Variants in SPAG16 observed in about 807,000 individuals in gnomAD.
The protein encoded by SPAG16 is sperm-associated antigen 16 protein.
In SPAG16, 86 loss-of-function variants were observed where a neutral mutation model predicts 80.4. The ratio of observed to expected loss-of-function variants is 1.07; its 90% confidence interval spans 0.90 to 1.28. The LOEUF (loss-of-function observed/expected upper bound fraction) is 1.28, where lower values mean the gene tolerates loss of function less well. Among genes scored for constraint, SPAG16 ranks in the 50% most tolerant of loss-of-function variants. SPAG16 has a pLI of 0.00. For missense variants in SPAG16, 870 were observed against 765.3 expected, an observed-to-expected ratio of 1.14 and a Z score of -1.61; for synonymous variants, 294 against 265.9, an observed-to-expected ratio of 1.11 and a Z score of -1.03.
At chr2:213,768,545 A>G (rs1414312273) in intron 10 of SPAG16, among the ~76,000 whole-genome samples, 1 of 152,176 alleles carries the variant, frequency 6.6e-6, no homozygotes, top group Non-Finnish European at 1.5e-5. Context: ...TGGGTATGGA[A>G]GGTGTGGAAA....
intron 11 of SPAG16, among the ~76,000 whole-genome samples, chr2:213,915,843 G>A (rs540836355): frequency 4.6e-5 from 7 of 152,174 alleles, no homozygotes; most frequent in African/African-American, 1.4e-4. Context: ...TCTCATAGTG[G>A]TTTAGATTTG....
chr2:213,353,655 T>C (rs1176802435), intron 7 of SPAG16, among the ~76,000 whole-genome samples: 1 of 152,192 alleles, frequency 6.6e-6, no homozygotes, highest in Non-Finnish European at 1.5e-5. Context: ...GTAGGACTCA[T>C]GTCTGACCTG....
At chr2:213,328,811 T>A (rs116741198) in intron 5 of SPAG16, among the ~76,000 whole-genome samples, 1,800 of 152,310 alleles carry the variant, frequency 0.012, 36 homozygotes, top group African/African-American at 0.031. Flanking sequence ...TGGTTACCTG[T>A]TGATTGGTTT....
At chr2:213,838,494 A>G (rs2074211976) in intron 10 of SPAG16, among the ~76,000 whole-genome samples, 3 of 152,176 alleles carry the variant, frequency 2.0e-5, no homozygotes, top group Admixed American at 2.0e-4. Context: ...TATATGCAGG[A>G]AAGAATGTAC....
intron 13 of SPAG16, among the ~76,000 whole-genome samples, chr2:214,047,621 C>T (rs1339348893): frequency 6.6e-6 from 1 of 152,086 alleles, no homozygotes; most frequent in Non-Finnish European, 1.5e-5. Context: ...ATCCCCAGGA[C>T]ATTGGTCTGG....
intron 9 of SPAG16, among the ~76,000 whole-genome samples, chr2:213,479,094 C>CTTTTTTTTTTT (rs148476714): frequency 5.3e-5 from 5 of 94,328 alleles, no homozygotes; most frequent in Non-Finnish European, 7.7e-5. Context: ...CACTGGCTTC[C>CTTTTTTTTTTT]TTTTTTTTTT....
At chr2:214,028,284 G>A (rs941832638) in intron 13 of SPAG16, among the ~76,000 whole-genome samples, 1 of 151,990 alleles carries the variant, frequency 6.6e-6, no homozygotes, top group African/African-American at 2.4e-5. Flanking sequence ...TCTTAGATAG[G>A]CTCATAGAGT....
chr2:213,310,709 A>G (rs939246830), intron 4 of SPAG16, among the ~76,000 whole-genome samples: 24 of 151,984 alleles, frequency 1.6e-4, no homozygotes, highest in African/African-American at 5.8e-4. Flanking sequence ...CTTAAACAAA[A>G]TATTTTCTTG....
At chr2:213,844,950 A>G (rs965651988) in intron 10 of SPAG16, among the ~76,000 whole-genome samples, 3 of 152,224 alleles carry the variant, frequency 2.0e-5, no homozygotes, top group Non-Finnish European at 4.4e-5. Context: ...ACTAAGTGGC[A>G]GTGAAGAGTG....
chr2:214,015,376 A>G (rs1237703227), intron 13 of SPAG16, among the ~76,000 whole-genome samples: 1 of 152,138 alleles, frequency 6.6e-6, no homozygotes, highest in African/African-American at 2.4e-5. Flanking sequence ...AGGCAGGTGG[A>G]TCACTGGAGG....
At chr2:214,242,934 T>C (rs575136863) in intron 15 of SPAG16, among the ~76,000 whole-genome samples, 19 of 152,284 alleles carry the variant, frequency 1.2e-4, no homozygotes, top group African/African-American at 4.1e-4. Context: ...ACCTCAGGAA[T>C]GACTCACTGG....
At chr2:213,318,198 C>T (rs2063480144) in intron 5 of SPAG16, among the ~76,000 whole-genome samples, 1 of 152,004 alleles carries the variant, frequency 6.6e-6, no homozygotes, top group Non-Finnish European at 1.5e-5. Flanking sequence ...ATTCCACCCA[C>T]ACTCTTACGT....
chr2:213,852,127 A>C (rs1455478943), intron 10 of SPAG16, among the ~76,000 whole-genome samples: 1 of 152,204 alleles, frequency 6.6e-6, no homozygotes, highest in Non-Finnish European at 1.5e-5. Flanking sequence ...AAGTACACTT[A>C]ATAAATATGT....
chr2:213,648,904 G>A (rs1431441669), intron 10 of SPAG16, among the ~76,000 whole-genome samples: 1 of 152,072 alleles, frequency 6.6e-6, no homozygotes, highest in Non-Finnish European at 1.5e-5. Flanking sequence ...ACAATGAAAG[G>A]ATATGGCTGA....
intron 5 of SPAG16, among the ~76,000 whole-genome samples, chr2:213,339,317 T>A (rs2064552939): frequency 6.6e-6 from 1 of 152,218 alleles, no homozygotes; most frequent in South Asian, 2.1e-4. Flanking sequence ...GTTTCAATCC[T>A]AATATGAGGT....
chr2:214,200,420 A>T (rs1377007515), intron 15 of SPAG16, among the ~76,000 whole-genome samples: 1 of 152,216 alleles, frequency 6.6e-6, no homozygotes. Context: ...CCACCCCTGC[A>T]TCCCTGATAT....
At chr2:213,288,137 C>T (rs2062123724) in intron 1 of SPAG16, among the ~76,000 whole-genome samples, 1 of 152,052 alleles carries the variant, frequency 6.6e-6, no homozygotes, top group South Asian at 2.1e-4. Flanking sequence ...AGATTGGTCT[C>T]GAACTCCTGT....
chr2:214,396,756 T>C (rs562220537), intron 15 of SPAG16, among the ~76,000 whole-genome samples: 144 of 152,190 alleles, frequency 9.5e-4, no homozygotes, highest in African/African-American at 3.4e-3. Flanking sequence ...TTTATGTTCT[T>C]ATATATTATT....
chr2:213,526,651 A>G (rs899036510), intron 10 of SPAG16, among the ~76,000 whole-genome samples: 2 of 152,176 alleles, frequency 1.3e-5, no homozygotes, highest in Admixed American at 1.3e-4. Context: ...CTCTTGAATT[A>G]TCTTCTCATA....
Sources: gnomAD v4.1 joint callset for allele counts (sites outside exome capture counted in the v4.1 genomes callset) on GRCh38, gnomAD v4.1.1 for gene constraint, MANE v1.5 for transcripts, NCBI Gene and HGNC (gene_info 2026-07-23, HGNC 2026-07-21) for gene names.